Variants in GAPVD1 observed in about 807,000 individuals in gnomAD.
The protein encoded by GAPVD1 is GTPase-activating protein and VPS9 domain-containing protein 1.
GAPVD1 carries 35 observed loss-of-function variants against 155.5 expected under a neutral mutation model. The ratio of observed to expected loss-of-function variants is 0.23; its 90% CI spans 0.17 to 0.30. The LOEUF (loss-of-function observed/expected upper bound fraction) is 0.30, where lower values mean the gene tolerates loss of function less well. GAPVD1 is among the 10% of genes least tolerant of loss of function. The pLI, the probability that GAPVD1 is intolerant of heterozygous loss-of-function variation, is 1.00. For missense variants in GAPVD1, 1,429 were observed against 1,775.7 expected (o/e 0.80, Z 3.51); for synonymous variants, 636 against 619.7 (o/e 1.03, Z -0.39).
chr9:125,332,689 C>G, intron 15 of GAPVD1, 60 bp downstream of exon 15: 1 of 1,404,014 alleles, frequency 7.1e-7, no homozygotes. Flanking sequence ...GAAACTGGCA[C>G]TGTGACACAT....
chr9:125,315,260 C>CCA (rs897591281), intron 9 of GAPVD1, among the ~76,000 whole-genome samples: 86 of 151,928 alleles, frequency 5.7e-4, no homozygotes, highest in African/African-American at 1.9e-3. Context: ...ACTCCATCCT[C>CCA]CACACACACA....
At chr9:125,319,051 C>T (rs1843880342) in intron 9 of GAPVD1, among the ~76,000 whole-genome samples, 1 of 152,064 alleles carries the variant, frequency 6.6e-6, no homozygotes, top group African/African-American at 2.4e-5. Context: ...TGGCACATGC[C>T]TGTAATCCCA....
chr9:125,353,946 C>T lies in GAPVD1; in HGVS notation c.3570-708C>T, dbSNP rs555785284. ...GTTCCAAATAGAAGAGTGCAATTTA[C>T]TTCAGCTTTGCACAAAAGCAGGTAA... On this transcript the variant is annotated intron_variant, in intron 23 of 27. Coordinates refer to ENST00000297933, the MANE Select transcript of GAPVD1 (RefSeq NM_001282680.3). Among the ~76,000 whole-genome samples the T allele has an allele frequency of 2.0e-5, 3 of 152,296 alleles. No individual in the cohort carries two copies. The South Asian group carries it at 6.2e-4, about 32-fold the overall frequency.
chr9:125,359,275 G>A, intron 25 of GAPVD1, 145 bp from the exon 26 acceptor site: 1 of 647,590 alleles, frequency 1.5e-6, no homozygotes, highest in Non-Finnish European at 2.8e-6. Flanking sequence ...TATCTAAGAG[G>A]CTCAACTCTA....
chr9:125,298,598 C>T (rs1840273454), intron 3 of GAPVD1, among the ~76,000 whole-genome samples: 1 of 151,174 alleles, frequency 6.6e-6, no homozygotes, highest in Non-Finnish European at 1.5e-5. Context: ...AAGGAATCCC[C>T]CTGCCTCAGC....
intron 2 of GAPVD1, among the ~76,000 whole-genome samples, chr9:125,291,877 C>T (rs1838661307): frequency 6.6e-6 from 1 of 151,972 alleles, no homozygotes; most frequent in Non-Finnish European, 1.5e-5. Flanking sequence ...ACTTGTGTTC[C>T]AGGAGCCACT....
At chr9:125,347,054 C>A in intron 20 of GAPVD1, 113 bp downstream of exon 20, 1 of 1,012,454 alleles carries the variant, frequency 9.9e-7, no homozygotes, top group Non-Finnish European at 1.5e-6. Flanking sequence ...CAGTTTACTA[C>A]CTCAAAATTA....
intron 2 of GAPVD1, among the ~76,000 whole-genome samples, chr9:125,293,842 A>AAATATATTATATATATAT (rs1564310397): frequency 1.3e-5 from 1 of 78,066 alleles, no homozygotes; most frequent in African/African-American, 5.9e-5. Flanking sequence ...TATATATATA[A>AAATATATTATATATATAT]AAATATATTT....
intron 10 of GAPVD1, among the ~76,000 whole-genome samples, chr9:125,322,055 T>C (rs975550779): frequency 2.6e-5 from 4 of 152,148 alleles, no homozygotes; most frequent in Non-Finnish European, 5.9e-5. Flanking sequence ...ATATGTCATT[T>C]TGCCTACTAG....
Position 125,363,747 on chromosome 9 carries a change from A to G in GAPVD1, c.*1001A>G, listed in dbSNP as rs962141906. 1 of 152,636 alleles carries G rather than the reference A, an allele frequency of 6.6e-6. No individual in the cohort carries two copies. Among genetic ancestry groups the G allele is most frequent in the Non-Finnish European group, 1.5e-5 (1 of 68,040 alleles). 9.5% of individuals were successfully genotyped at this position (152,636 alleles called of 1,614,324 possible). On this transcript the variant is annotated 3_prime_UTR_variant, in exon 28 of 28. Transcript: ENST00000297933. ...AAGAATTCAGTGAATGTCATTTTTT[A>G]AAAAACTAATTTGTATTGTCTGCTC...
chr9:125,337,633 C>G, intron 17 of GAPVD1, 42 bp downstream of exon 17: 1 of 1,541,558 alleles, frequency 6.5e-7, no homozygotes, highest in African/African-American at 1.4e-5. Flanking sequence ...GTTCTGCCTG[C>G]CTAGTTCTCT....
At chr9:125,285,240 A>G (rs939340699) in intron 2 of GAPVD1, among the ~76,000 whole-genome samples, 2 of 152,160 alleles carry the variant, frequency 1.3e-5, no homozygotes, top group African/African-American at 2.4e-5. Flanking sequence ...TTATACAAAC[A>G]GGCAGCAGGC....
intron 17 of GAPVD1, among the ~76,000 whole-genome samples, chr9:125,339,966 G>T (rs1383786837): frequency 6.6e-6 from 1 of 152,138 alleles, no homozygotes; most frequent in African/African-American, 2.4e-5. Context: ...TTTGTCCATG[G>T]TCACATGATA....
At chr9:125,299,662 G>GA (rs965004604) in intron 4 of GAPVD1, among the ~76,000 whole-genome samples, 5 of 144,458 alleles carry the variant, frequency 3.5e-5, no homozygotes, top group East Asian at 2.1e-4. Flanking sequence ...CTCCTCAAAA[G>GA]AAAAAAAAAA....
At chr9:125,271,126 T>C (rs555789444) in intron 2 of GAPVD1, among the ~76,000 whole-genome samples, 4 of 152,112 alleles carry the variant, frequency 2.6e-5, no homozygotes, top group Admixed American at 6.6e-5. Flanking sequence ...GTGGCCAAAA[T>C]TATGTTTTTG....
At chr9:125,311,291 G>A (rs1842649777) in intron 8 of GAPVD1, among the ~76,000 whole-genome samples, 1 of 152,086 alleles carries the variant, frequency 6.6e-6, no homozygotes, top group Non-Finnish European at 1.5e-5. Flanking sequence ...TCTTTGAAAA[G>A]ACATTAATGC....
intron 4 of GAPVD1, 27 bp from the exon 5 acceptor site, chr9:125,301,956 G>C: frequency 7.1e-7 from 1 of 1,407,346 alleles, no homozygotes; most frequent in East Asian, 2.3e-5. Flanking sequence ...TATTTTGCTT[G>C]TTTGCTCTTT....
At chr9:125,335,197 A>G (rs746045131) in intron 15 of GAPVD1, 2 of 771,654 alleles carry the variant, frequency 2.6e-6, no homozygotes, top group Non-Finnish European at 4.8e-6. Context: ...TTCAGCCAAA[A>G]CAACATTTTC....
At position 125,349,445 on chromosome 9, in the gene GAPVD1, G is replaced by C; in HGVS notation, c.3225G>C (p.Gln1075His). 6.2e-7 allele frequency: 1 copy of C among 1,613,934 alleles called. No homozygotes were observed. Among genetic ancestry groups the C allele is most frequent in the Non-Finnish European group, 8.5e-7 (1 of 1,179,860 alleles). The change falls in exon 21 of 28, where the codon CAG becomes CAC. Residue 1075 changes from glutamine to histidine, a missense_variant. This residue lies in a region of GAPVD1 where 699 missense variants were observed against 826.0 expected (regional missense o/e 0.85). Coordinates refer to ENST00000297933, the MANE Select transcript of GAPVD1 (RefSeq NM_001282680.3). ...ATTCTCCCCGTGACGAAGCACTGCA[G>C]AACATCTCGGCTGATGATCTCCCAG... ...AHDSPRDEAL[Q>H]NISADDLPDS...
Sources: gnomAD v4.1 joint callset for allele counts (sites outside exome capture counted in the v4.1 genomes callset) on GRCh38, gnomAD v4.1.1 for gene constraint, gnomAD v4.1.1 regional missense constraint, MANE v1.5 for transcripts, NCBI Gene and HGNC (gene_info 2026-07-23, HGNC 2026-07-21) for gene names.